The following RBPJ variants were observed in gnomAD, a reference collection of about 807,000 sequenced individuals.
RBPJ encodes recombining binding protein suppressor of hairless.
RBPJ carries 9 observed loss-of-function variants against 67.8 expected under a neutral mutation model. The ratio of observed to expected loss-of-function variants is 0.13; its 90% CI spans 0.08 to 0.23. The LOEUF is 0.23. Among genes scored for constraint, RBPJ ranks in the 10% least tolerant of loss-of-function variants. The probability of loss-of-function intolerance (pLI) is 1.00; values close to 1 mark genes in which losing one functional copy is unlikely to be tolerated. For missense variants in RBPJ, 305 were observed against 595.6 expected, an observed-to-expected ratio of 0.51 and a Z score of 5.08; for synonymous variants, 198 against 203.3, an observed-to-expected ratio of 0.97 and a Z score of 0.22.
intron 1 of RBPJ, chr4:26,362,772 G>T (rs1053944233): frequency 3.0e-6 from 2 of 673,154 alleles, no homozygotes; most frequent in Non-Finnish European, 4.8e-6. Context: ...TATAGATGTG[G>T]TTATGGATTT....
rs1187840528 is a variant in RBPJ, at chr4:26,364,346, A to G, written c.21-22007A>G. On this transcript the variant is annotated intron_variant, in intron 1 of 10. Transcript: ENST00000355476. ...ATCTGCTTATTAGCCAAGGCAATCA[A>G]TTAGTTCAATCAGGAATTTTATGTC... 2.0e-5 allele frequency among the ~76,000 whole-genome samples: 3 copies of G among 152,246 alleles called. 1 individual carries two copies. Among genetic ancestry groups the G allele is most frequent in the African/African-American group, 7.2e-5 (3 of 41,474 alleles).
intron 1 of RBPJ, among the ~76,000 whole-genome samples, chr4:26,224,775 C>T (rs1374612451): frequency 6.6e-6 from 1 of 152,178 alleles, no homozygotes; most frequent in Non-Finnish European, 1.5e-5. Context: ...GTCAGGGCAG[C>T]GAAAACAACG....
intron 4 of RBPJ, among the ~76,000 whole-genome samples, chr4:26,417,485 C>T (rs1242836719): frequency 3.3e-5 from 5 of 152,062 alleles, no homozygotes; most frequent in African/African-American, 1.2e-4. Context: ...GAGCATTTAA[C>T]TAGTATTTAA....
intron 1 of RBPJ, among the ~76,000 whole-genome samples, chr4:26,197,126 C>T (rs2109148660): frequency 6.6e-6 from 1 of 152,212 alleles, no homozygotes; most frequent in East Asian, 1.9e-4. Flanking sequence ...TTATAATGTT[C>T]ATTATAATGG....
chr4:26,227,555 A>C (rs754591941), intron 1 of RBPJ, among the ~76,000 whole-genome samples: 3 of 151,596 alleles, frequency 2.0e-5, no homozygotes, highest in Non-Finnish European at 4.4e-5. Flanking sequence ...GGTTAAATTA[A>C]GACCCTCCAC....
intron 1 of RBPJ, among the ~76,000 whole-genome samples, chr4:26,173,432 G>A (rs571929195): frequency 6.6e-5 from 10 of 152,298 alleles, no homozygotes; most frequent in South Asian, 4.1e-4. Flanking sequence ...CACTGCGCCC[G>A]GCTTGCAGTA....
At chr4:26,389,947 C>T (rs1731334051) in intron 2 of RBPJ, among the ~76,000 whole-genome samples, 1 of 152,102 alleles carries the variant, frequency 6.6e-6, no homozygotes, top group African/African-American at 2.4e-5. Flanking sequence ...ATTCTGTGAG[C>T]ATAGCATTAC....
the RBPJ span, among the ~76,000 whole-genome samples, chr4:26,121,839 C>T: frequency 6.7e-6 from 1 of 150,218 alleles, no homozygotes; most frequent in African/African-American, 2.4e-5. Flanking sequence ...AGATTACACA[C>T]AAGAACCTCA....
rs1474946583 is a variant in RBPJ, at chr4:26,433,236, C to T, written c.*2229C>T. On this transcript the variant is annotated 3_prime_UTR_variant, in exon 11 of 11. Transcript: ENST00000355476. Reference sequence around the variant, plus strand: ...TGTTGTAATTGTTCACTGTCTCTTTCTTACAGACCACTTATTTCTGAGTAG... The same window carrying T: ...TGTTGTAATTGTTCACTGTCTCTTTTTTACAGACCACTTATTTCTGAGTAG... 6.6e-6 allele frequency: 1 copy of T among 152,176 alleles called. No individual in the cohort carries two copies. The highest frequency in any genetic ancestry group is 1.5e-5 in the Non-Finnish European group (1 of 68,026). The allele number at this position is 152,176 out of a possible 1,614,324, so 9.4% of individuals were successfully genotyped here. A position where few individuals can be genotyped will look rare whatever the true frequency, so the allele number is the denominator to read the frequency against.
chr4:26,319,637 C>T, upstream of RBPJ: 1 of 595,154 alleles, frequency 1.7e-6, no homozygotes, highest in Non-Finnish European at 3.0e-6. Flanking sequence ...AAATTTCCCA[C>T]GGCCGTGTTG....
intron 1 of RBPJ, among the ~76,000 whole-genome samples, chr4:26,255,596 A>G (rs1194195160): frequency 6.7e-6 from 1 of 149,424 alleles, no homozygotes; most frequent in Non-Finnish European, 1.5e-5. Context: ...AGGTCGGGAG[A>G]TCGAGACCAT....
chr4:26,278,059 T>C (rs1425657427), intron 1 of RBPJ, among the ~76,000 whole-genome samples: 1 of 152,192 alleles, frequency 6.6e-6, no homozygotes, highest in Non-Finnish European at 1.5e-5. Flanking sequence ...GGACAGTATA[T>C]AGTAGTATGA....
At chr4:26,415,446 GT>G (rs377413423) in intron 3 of RBPJ, 28 bp from the exon 4 acceptor site, 15,691 of 1,140,290 alleles carry the variant, frequency 0.014, 1 homozygote, top group South Asian at 0.029. Flanking sequence ...TTTGCTTCTT[GT>G]TTTTTTTTTT....
intron 1 of RBPJ, among the ~76,000 whole-genome samples, chr4:26,357,997 T>C (rs1363221887): frequency 6.7e-5 from 10 of 149,122 alleles, no homozygotes; most frequent in Non-Finnish European, 1.0e-4. Context: ...CGGGTGTTTT[T>C]TGTATGTTTT....
In RBPJ at chr4:26,358,416, A is replaced by G. The variant is rs141525539; in HGVS notation, c.21-27937A>G. 5.9e-5 allele frequency among the ~76,000 whole-genome samples: 9 copies of G among 152,238 alleles called. No individual in the cohort carries two copies. In the East Asian group the frequency reaches 1.7e-3, roughly 29 times the overall value. On this transcript the variant is annotated intron_variant, in intron 1 of 10. Coordinates refer to ENST00000355476, the MANE Select transcript of RBPJ (RefSeq NM_015874.6). Reference sequence around the variant, plus strand: ...GTGTCCAAAACAGTGAAGGTGTAATATATGTTCTAGTCTTTGAGTTCCCAC... The same window carrying G: ...GTGTCCAAAACAGTGAAGGTGTAATGTATGTTCTAGTCTTTGAGTTCCCAC...
At chr4:26,121,021 A>AGGGGGG in the RBPJ span, among the ~76,000 whole-genome samples, 1 of 150,924 alleles carries the variant, frequency 6.6e-6, no homozygotes, top group African/African-American at 2.4e-5. Flanking sequence ...AGGGAGGGGT[A>AGGGGGG]GGGGGAGAAG....
intron 1 of RBPJ, among the ~76,000 whole-genome samples, chr4:26,349,403 T>C (rs1447853721): frequency 6.6e-6 from 1 of 152,206 alleles, no homozygotes; most frequent in African/African-American, 2.4e-5. Flanking sequence ...GTGAGAACAA[T>C]GTGTTTAAAT....
intron 1 of RBPJ, among the ~76,000 whole-genome samples, chr4:26,222,028 G>C (rs1458790217): frequency 1.3e-5 from 2 of 152,156 alleles, no homozygotes; most frequent in African/African-American, 2.4e-5. Context: ...CGGTTTATGG[G>C]TGTCACTCTC....
the RBPJ span, among the ~76,000 whole-genome samples, chr4:26,145,785 T>A: frequency 6.6e-6 from 1 of 152,206 alleles, no homozygotes; most frequent in Admixed American, 6.5e-5. Context: ...AAACCTCTAG[T>A]TGGGCTCTAA....
Sources: gnomAD v4.1 joint callset for allele counts (sites outside exome capture counted in the v4.1 genomes callset) on GRCh38, gnomAD v4.1.1 for gene constraint, MANE v1.5 for transcripts, NCBI Gene and HGNC (gene_info 2026-07-23, HGNC 2026-07-21) for gene names.